The following MAP2K5 variants were observed in gnomAD, a reference collection of about 807,000 sequenced individuals.
MAP2K5 encodes the protein dual specificity mitogen-activated protein kinase kinase 5.
In MAP2K5, 49 loss-of-function variants were observed where a neutral mutation model predicts 83.1. The observed-to-expected ratio is 0.59, with a 90% CI of 0.47 to 0.75. The LOEUF is 0.75. Ranked by LOEUF, MAP2K5 falls within the 30% of genes least tolerant of loss-of-function variation. The pLI is 0.00. For missense variants in MAP2K5, 457 were observed against 557.5 expected (o/e 0.82, Z 1.82); for synonymous variants, 202 against 191.8 (o/e 1.05, Z -0.44).
chr15:67,761,971 A>G (rs986881287), intron 19 of MAP2K5, among the ~76,000 whole-genome samples: 4 of 152,236 alleles, frequency 2.6e-5, no homozygotes, highest in Non-Finnish European at 5.9e-5. Context: ...TGACCAGTGT[A>G]TGAAATTCAA....
chr15:67,723,497 T>C (rs1043490312), intron 16 of MAP2K5, among the ~76,000 whole-genome samples: 4 of 152,172 alleles, frequency 2.6e-5, no homozygotes, highest in African/African-American at 4.8e-5. Context: ...TTTTCAGCCT[T>C]TTACATAATA....
rs1442111564 is a variant in MAP2K5, at chr15:67,594,041, A to C, written c.480+1067A>C. ...CTTCTGGAGGCCTTGCTTATTTAGC[A>C]CACAATTCCTTGAATACAGTTAGAA... On this transcript the variant is annotated intron_variant, in intron 7 of 21. Coordinates refer to ENST00000178640, the MANE Select transcript of MAP2K5 (RefSeq NM_145160.3). Among the ~76,000 whole-genome samples, 3 of 152,334 alleles carry C rather than the reference A, an allele frequency of 2.0e-5. No homozygotes were observed. The East Asian group carries it at 5.8e-4, about 29-fold the overall frequency.
At chr15:67,763,176 T>C (rs1244741084) in intron 19 of MAP2K5, among the ~76,000 whole-genome samples, 1 of 152,136 alleles carries the variant, frequency 6.6e-6, no homozygotes, top group Non-Finnish European at 1.5e-5. Flanking sequence ...AAAGCCTCGC[T>C]TTCACCCTGA....
At chr15:67,632,744 A>G (rs911725365) in intron 9 of MAP2K5, among the ~76,000 whole-genome samples, 2 of 152,222 alleles carry the variant, frequency 1.3e-5, no homozygotes, top group African/African-American at 4.8e-5. Flanking sequence ...TCTCATCTAG[A>G]AAACTAAGAA....
In MAP2K5 at chr15:67,638,814, A is replaced by G. The variant is rs1021862150; in HGVS notation, c.586-7417A>G. Among the ~76,000 whole-genome samples the G allele has an allele frequency of 6.6e-6, 1 of 152,114 alleles. No individual in the cohort carries two copies. Among genetic ancestry groups the G allele is most frequent in the East Asian group, 1.9e-4 (1 of 5,188 alleles). ...ATTGTGGTTTTGATTTACGTTTCTCAAATGATCAGTGATGTTGAGCGTTTT... is the reference window on the plus strand; with the variant it reads ...ATTGTGGTTTTGATTTACGTTTCTCGAATGATCAGTGATGTTGAGCGTTTT... On this transcript the variant is annotated intron_variant, in intron 9 of 21. Transcript: ENST00000178640. This position sits in a 1 kb window ranked among gnomAD's most constrained non-coding sequence, Gnocchi z 4.5.
At position 67,735,752 on chromosome 15, in the gene MAP2K5, A is replaced by T. The variant is rs953067133; in HGVS notation, c.1074+7807A>T. Reference sequence around the variant, plus strand: ...GGACCATGATTCCTTTGTAATTTTTAAATAATCAGTTTAGCCCAGAAATAG... The same window carrying T: ...GGACCATGATTCCTTTGTAATTTTTTAATAATCAGTTTAGCCCAGAAATAG... On this transcript the variant is annotated intron_variant, in intron 17 of 21. Transcript: ENST00000178640. Among the ~76,000 whole-genome samples, 3 of 152,188 alleles carry T rather than the reference A, an allele frequency of 2.0e-5. No homozygotes were observed. In the East Asian group the frequency reaches 5.8e-4, roughly 29 times the overall value.
At chr15:67,803,657 C>T (rs545147688) in intron 21 of MAP2K5, among the ~76,000 whole-genome samples, 357 of 152,276 alleles carry the variant, frequency 2.3e-3, no homozygotes, top group Non-Finnish European at 4.6e-3. Flanking sequence ...TCCCTGAATC[C>T]CATGCAGGGC....
Position 67,561,797 on chromosome 15 carries a change from C to T in MAP2K5, c.185-1486C>T, listed in dbSNP as rs1007160650. On this transcript the variant is annotated intron_variant, in intron 2 of 21. Coordinates refer to ENST00000178640, the MANE Select transcript of MAP2K5 (RefSeq NM_145160.3). The surrounding 1 kb of genome is among the most constrained non-coding windows in gnomAD (Gnocchi z 4.2). Reference sequence around the variant, plus strand: ...TGAAATTAGGCTAATTGTGAAAGAACACAAGCTTCCTCCTAGGGTCCCCAT... The same window carrying T: ...TGAAATTAGGCTAATTGTGAAAGAATACAAGCTTCCTCCTAGGGTCCCCAT... Among the ~76,000 whole-genome samples the T allele has an allele frequency of 7.2e-5, 11 of 152,140 alleles. No individual in the cohort carries two copies. The highest frequency in any genetic ancestry group is 7.2e-4 in the Admixed American group (11 of 15,274).
chr15:67,553,363 T>G (rs575901307), intron 2 of MAP2K5, among the ~76,000 whole-genome samples: 1 of 152,366 alleles, frequency 6.6e-6, no homozygotes, highest in East Asian at 1.9e-4. Flanking sequence ...TTCTGTGATA[T>G]CATGCTCTTT....
chr15:67,657,175 T>C (rs1009428078), intron 11 of MAP2K5, among the ~76,000 whole-genome samples: 5 of 152,174 alleles, frequency 3.3e-5, no homozygotes, highest in African/African-American at 1.2e-4. Context: ...GGTAAGGTAA[T>C]CTTTGTTTTT....
rs2090401119 is a variant in MAP2K5 at position 67,785,540 on chromosome 15, A to T, written c.1242+12788A>T. On this transcript the variant is annotated intron_variant, in intron 21 of 21. Coordinates refer to ENST00000178640, the MANE Select transcript of MAP2K5 (RefSeq NM_145160.3). This position sits in a 1 kb window ranked among gnomAD's most constrained non-coding sequence, Gnocchi z 4.4. ...CATGCAAACAAAGTAGTCAGGTCAC[A>T]CAAACAGGAAGCCAAACAATCGGGG... Among the ~76,000 whole-genome samples the T allele has an allele frequency of 6.6e-6, 1 of 152,172 alleles. No homozygotes were observed. The highest frequency in any genetic ancestry group is 1.5e-5 in the Non-Finnish European group (1 of 68,032).
Position 67,668,101 on chromosome 15 carries a change from T to TA in MAP2K5, c.847+3457dup, listed in dbSNP as rs2087431832. On this transcript the variant is annotated intron_variant, in intron 13 of 21. Coordinates refer to ENST00000178640, the MANE Select transcript of MAP2K5 (RefSeq NM_145160.3). The surrounding 1 kb of genome is among the most constrained non-coding windows in gnomAD (Gnocchi z 4.0). ...TCAAATGTTATATTCAGTCAGGTGT[T>TA]ACTATTGTTTATTTTGCTCTTTTTA... Among the ~76,000 whole-genome samples, 1 of 152,216 alleles carries TA rather than the reference T, an allele frequency of 6.6e-6. No individual in the cohort carries two copies. Among genetic ancestry groups the TA allele is most frequent in the Non-Finnish European group, 1.5e-5 (1 of 68,030 alleles).
chr15:67,790,613 G>A lies in MAP2K5; in HGVS notation c.1243-16033G>A, dbSNP rs151083960. ...ATGGGGAGCAAGTTGGGTCTTTAGG[G>A]CTGAGGCTCAGAGGAGGGGCTGCTT... On this transcript the variant is annotated intron_variant, in intron 21 of 21. Transcript: ENST00000178640. This position sits in a 1 kb window ranked among gnomAD's most constrained non-coding sequence, Gnocchi z 4.6. Among the ~76,000 whole-genome samples, 519 of 152,162 alleles carry A rather than the reference G, an allele frequency of 3.4e-3. 2 individuals carry two copies. Among genetic ancestry groups the A allele is most frequent in the Middle Eastern group, 6.8e-3 (2 of 294 alleles).
chr15:67,769,460 A>C lies in MAP2K5; in HGVS notation c.1135-142A>C. On this transcript the variant is annotated intron_variant, in intron 19 of 21. Coordinates refer to ENST00000178640, the MANE Select transcript of MAP2K5 (RefSeq NM_145160.3). The surrounding 1 kb of genome is among the most constrained non-coding windows in gnomAD (Gnocchi z 5.2). ...TTTACCTAAATGTGTGGAATAAGGTAAAGACAGTCTTTTTAATTGGGTGAG... is the reference window on the plus strand; with the variant it reads ...TTTACCTAAATGTGTGGAATAAGGTCAAGACAGTCTTTTTAATTGGGTGAG... The C allele has an allele frequency of 1.5e-6, 1 of 683,438 alleles. No individual in the cohort carries two copies. The highest frequency in any genetic ancestry group is 2.6e-6 in the Non-Finnish European group (1 of 392,048). The allele number at this position is 683,438 out of a possible 1,614,324, so 42.3% of individuals were successfully genotyped here.
intron 8 of MAP2K5, among the ~76,000 whole-genome samples, chr15:67,622,459 C>T (rs573712103): frequency 6.4e-4 from 97 of 151,966 alleles, no homozygotes; most frequent in African/African-American, 2.2e-3. Flanking sequence ...AGAAATCTAC[C>T]CATGAAATGG....
At chr15:67,669,370 A>G (rs538928109) in intron 13 of MAP2K5, among the ~76,000 whole-genome samples, 46 of 152,292 alleles carry the variant, frequency 3.0e-4, no homozygotes, top group African/African-American at 1.1e-3. Flanking sequence ...TAGGTTGCGT[A>G]TTAATCAAAG....
intron 13 of MAP2K5, among the ~76,000 whole-genome samples, chr15:67,674,409 T>C (rs573832369): frequency 1.1e-4 from 17 of 152,230 alleles, no homozygotes; most frequent in South Asian, 8.3e-4. Flanking sequence ...TTAAATATAA[T>C]AAATATTAAT....
chr15:67,800,996 A>T (rs2090696405), intron 21 of MAP2K5, among the ~76,000 whole-genome samples: 1 of 152,194 alleles, frequency 6.6e-6, no homozygotes, highest in African/African-American at 2.4e-5. Context: ...TTATTTTTTT[A>T]AATCCGTTTT....
intron 11 of MAP2K5, among the ~76,000 whole-genome samples, chr15:67,654,276 A>C (rs2087017617): frequency 1.3e-5 from 2 of 152,164 alleles, no homozygotes; most frequent in Admixed American, 6.5e-5. Flanking sequence ...TATCATTAGA[A>C]AATGTCTTTG....
Sources: gnomAD v4.1 joint callset for allele counts (sites outside exome capture counted in the v4.1 genomes callset) on GRCh38, gnomAD v4.1.1 for gene constraint, Gnocchi (gnomAD v3.1) non-coding constraint, MANE v1.5 for transcripts, NCBI Gene and HGNC (gene_info 2026-07-23, HGNC 2026-07-21) for gene names.